THEM6: variants seen among roughly 807,000 people sequenced by gnomAD.
THEM6 encodes thioesterase superfamily member 6, also known as protein THEM6.
THEM6 carries 10 observed loss-of-function variants against 13.7 expected under a neutral mutation model. That is an observed-to-expected ratio of 0.73 (90% confidence interval 0.45 to 1.24). The LOEUF is 1.24. Among genes scored for constraint, THEM6 ranks in the 50% most tolerant of loss-of-function variants. THEM6 has a pLI of 0.00. For missense variants in THEM6, 317 were observed against 312.6 expected (o/e 1.01, Z -0.11); for synonymous variants, 161 against 156.0 (o/e 1.03, Z -0.24).
At position 142,735,362 on chromosome 8, in the gene THEM6, T is replaced by C; in HGVS notation, c.550T>C (p.Trp184Arg). Residue 184 changes from tryptophan to arginine, a missense_variant, in exon 2 of 2, where the codon TGG becomes CGG. Physicochemically the swap from Trp to Arg is moderately radical, Grantham distance 101. Transcript: ENST00000336138. ...TGAGCTGCCCGCTGATCTGCAGCACTGGATCTCCTACAACGAGGCCAGCAG... is the reference window on the plus strand; with the variant it reads ...TGAGCTGCCCGCTGATCTGCAGCACCGGATCTCCTACAACGAGGCCAGCAG... The part of the protein sequence containing the change: ...PPELPADLQH[W>R]ISYNEASSQL... 1 of 1,575,608 alleles carries C rather than the reference T, an allele frequency of 6.3e-7. No individual in the cohort carries two copies. The highest frequency in any genetic ancestry group is 8.6e-7 in the Non-Finnish European group (1 of 1,160,790).
chr8:142,731,888 G>A (rs1554642972), intron 1 of THEM6, among the ~76,000 whole-genome samples: 2 of 152,146 alleles, frequency 1.3e-5, no homozygotes, highest in Non-Finnish European at 2.9e-5. Flanking sequence ...GCAGCCCAGA[G>A]GCTTGGCAGA....
intron 1 of THEM6, among the ~76,000 whole-genome samples, chr8:142,732,331 C>G (rs964866517): frequency 4.6e-5 from 7 of 150,744 alleles, no homozygotes; most frequent in Admixed American, 1.3e-4. Context: ...CCTTTCCCCC[C>G]AAAGGTCCCT....
At chr8:142,729,647 A>G (rs1299789952) in intron 1 of THEM6, among the ~76,000 whole-genome samples, 5 of 152,164 alleles carry the variant, frequency 3.3e-5, no homozygotes, top group Non-Finnish European at 5.9e-5. Context: ...TTTTCCATTT[A>G]TGTCAATCCC....
At chr8:142,730,297 C>G (rs1402540767) in intron 1 of THEM6, among the ~76,000 whole-genome samples, 1 of 152,054 alleles carries the variant, frequency 6.6e-6, no homozygotes, top group African/African-American at 2.4e-5. Context: ...CAGGCTGGCT[C>G]AAGTTTTTTC....
intron 1 of THEM6, among the ~76,000 whole-genome samples, chr8:142,731,566 TCA>T (rs587767853): frequency 6.2e-4 from 94 of 152,356 alleles, no homozygotes; most frequent in Admixed American, 2.3e-3. Context: ...TTTCTTTTTC[TCA>T]GTTTCACCCT....
intron 1 of THEM6, among the ~76,000 whole-genome samples, chr8:142,734,050 C>T (rs1326220126): frequency 1.3e-5 from 2 of 152,180 alleles, no homozygotes; most frequent in Non-Finnish European, 2.9e-5. Context: ...ATAAATGTTT[C>T]TTGTCGGACT....
chr8:142,731,791 C>T (rs1224775861), intron 1 of THEM6, among the ~76,000 whole-genome samples: 1 of 152,210 alleles, frequency 6.6e-6, no homozygotes, highest in Non-Finnish European at 1.5e-5. Flanking sequence ...CCACCCCCAC[C>T]ATTCCCCTTT....
chr8:142,733,951 C>T (rs765537626), intron 1 of THEM6, among the ~76,000 whole-genome samples: 13 of 152,198 alleles, frequency 8.5e-5, no homozygotes, highest in Non-Finnish European at 1.2e-4. Context: ...AGTAGAAAGG[C>T]ATGTCTGGGT....
At position 142,727,255 on chromosome 8, in the gene THEM6, C is replaced by G. The variant is rs1815505281; in HGVS notation, c.-92C>G. 1.5e-6 allele frequency: 2 copies of G among 1,295,238 alleles called. No homozygotes were observed. The highest frequency in any genetic ancestry group is 4.0e-5 in the Admixed American group (1 of 25,080). The allele number at this position is 1,295,238 out of a possible 1,614,324, so 80.2% of individuals were successfully genotyped here. ...TCCGGGCGCGCTGCGCTCGTGAGTT[C>G]CCAGGAGGCCTGGCGGGCACCGTAA... is the stretch of plus-strand genomic sequence containing the variant. On this transcript the variant is annotated 5_prime_UTR_variant, in exon 1 of 2. Transcript: ENST00000336138.
chr8:142,733,897 T>C (rs897944623), intron 1 of THEM6, among the ~76,000 whole-genome samples: 1 of 152,184 alleles, frequency 6.6e-6, no homozygotes. Flanking sequence ...TCATGGTAGA[T>C]GTAAAAGTTT....
chr8:142,730,678 A>C (rs1282877356), intron 1 of THEM6, among the ~76,000 whole-genome samples: 6 of 151,970 alleles, frequency 3.9e-5, no homozygotes, highest in Non-Finnish European at 7.4e-5. Context: ...TTTTTGTATG[A>C]TTTTATACCA....
chr8:142,730,199 A>G (rs587760933), intron 1 of THEM6, among the ~76,000 whole-genome samples: 4 of 152,250 alleles, frequency 2.6e-5, no homozygotes, highest in African/African-American at 4.8e-5. Flanking sequence ...TGAGAGAAAG[A>G]TGTTTTCTTG....
chr8:142,729,497 T>C (rs1250218837), intron 1 of THEM6, among the ~76,000 whole-genome samples: 2 of 152,226 alleles, frequency 1.3e-5, no homozygotes, highest in Non-Finnish European at 2.9e-5. Flanking sequence ...TAAGGTCTGT[T>C]TTAGATCTCT....
chr8:142,727,313 G>C lies in THEM6; in HGVS notation c.-34G>C. 1 of 1,456,336 alleles carries C rather than the reference G, an allele frequency of 6.9e-7. No homozygotes were observed. Among genetic ancestry groups the C allele is most frequent in the Non-Finnish European group, 9.0e-7 (1 of 1,114,394 alleles). The allele number at this position is 1,456,336 out of a possible 1,614,324, so 90.2% of individuals were successfully genotyped here. ...CGCGGACACCGGCACCGGCGCCACGGACTCCGCAGGACCCCGCGCCCGCCG... is the reference window on the plus strand; with the variant it reads ...CGCGGACACCGGCACCGGCGCCACGCACTCCGCAGGACCCCGCGCCCGCCG... On this transcript the variant is annotated 5_prime_UTR_variant, in exon 1 of 2. Transcript: ENST00000336138.
chr8:142,730,224 G>A (rs587662245), intron 1 of THEM6, among the ~76,000 whole-genome samples: 5 of 152,214 alleles, frequency 3.3e-5, no homozygotes, highest in South Asian at 4.2e-4. Context: ...GAGTGTGGTC[G>A]TTTTTTTCTT....
intron 1 of THEM6, among the ~76,000 whole-genome samples, chr8:142,732,048 C>T (rs1399295720): frequency 6.6e-6 from 1 of 150,738 alleles, no homozygotes; most frequent in East Asian, 1.9e-4. Flanking sequence ...TCTCTGCCAG[C>T]CACCTATGCT....
chr8:142,732,052 C>T (rs1787467453), intron 1 of THEM6, among the ~76,000 whole-genome samples: 1 of 150,578 alleles, frequency 6.6e-6, no homozygotes, highest in African/African-American at 2.4e-5. Context: ...TGCCAGCCAC[C>T]TATGCTGCTG....
chr8:142,728,526 C>T (rs907489465), intron 1 of THEM6, among the ~76,000 whole-genome samples: 1 of 152,234 alleles, frequency 6.6e-6, no homozygotes, highest in South Asian at 2.1e-4. Flanking sequence ...TTGCCTGGAG[C>T]GTCCGTGCAG....
intron 1 of THEM6, among the ~76,000 whole-genome samples, chr8:142,729,244 C>T (rs186154268): frequency 6.2e-4 from 95 of 152,182 alleles, no homozygotes; most frequent in African/African-American, 2.1e-3. Flanking sequence ...GTGTTTGAAA[C>T]GCTTGTTCCC....
Sources: allele counts gnomAD v4.1 joint callset (sites outside exome capture counted in the v4.1 genomes callset), GRCh38; gene constraint gnomAD v4.1.1; transcripts MANE v1.5; gene names NCBI Gene and HGNC (gene_info 2026-07-23, HGNC 2026-07-21).